The following GNAI1 variants were observed in gnomAD, a reference collection of about 807,000 sequenced individuals.
GNAI1 encodes the protein guanine nucleotide-binding protein G(i) subunit alpha-1.
GNAI1 carries 11 observed loss-of-function variants against 38.9 expected under a neutral mutation model. The observed-to-expected ratio is 0.28, with a 90% CI of 0.18 to 0.47. The LOEUF is 0.47. Among genes scored for constraint, GNAI1 ranks in the 20% least tolerant of loss-of-function variants. The probability of loss-of-function intolerance (pLI) is 0.99; values close to 1 mark genes in which losing one functional copy is unlikely to be tolerated. For synonymous variants in GNAI1, 166 were observed against 145.1 expected (o/e 1.14, Z -1.04); for missense variants, 317 against 436.9 (o/e 0.73, Z 2.45).
intron 1 of GNAI1, among the ~76,000 whole-genome samples, chr7:80,138,390 A>G (rs1787463350): frequency 1.3e-5 from 2 of 152,166 alleles, no homozygotes; most frequent in Non-Finnish European, 2.9e-5. Context: ...GACACTAAGG[A>G]AATCAGGCCA....
At chr7:80,217,273 A>T in intron 7 of GNAI1, 30 bp from the exon 8 acceptor site, 1 of 1,095,868 alleles carries the variant, frequency 9.1e-7, no homozygotes, top group Non-Finnish European at 1.2e-6. Context: ...AACTTTTTGC[A>T]TTTATGTTTC....
chr7:80,141,572 T>G (rs1427000368), intron 1 of GNAI1, among the ~76,000 whole-genome samples: 1 of 152,198 alleles, frequency 6.6e-6, no homozygotes, highest in East Asian at 1.9e-4. Flanking sequence ...GGTACTGAAC[T>G]TCTCCACTCT....
chr7:80,150,510 G>A (rs1787705009), intron 1 of GNAI1, among the ~76,000 whole-genome samples: 1 of 152,120 alleles, frequency 6.6e-6, no homozygotes, highest in Non-Finnish European at 1.5e-5. Context: ...ATGTTTATAG[G>A]TACAAACACA....
chr7:80,200,330 A>AAAAC (rs1255114270), intron 4 of GNAI1, among the ~76,000 whole-genome samples: 4 of 149,362 alleles, frequency 2.7e-5, no homozygotes, highest in Non-Finnish European at 5.9e-5. Context: ...GTCTCAAAAA[A>AAAAC]AAAAAAAAAA....
chr7:80,212,063 T>C (rs1788885006), intron 6 of GNAI1, among the ~76,000 whole-genome samples: 1 of 152,168 alleles, frequency 6.6e-6, no homozygotes, highest in Admixed American at 6.5e-5. Context: ...TTTGGTACCC[T>C]TGGAGGTCTT....
At chr7:80,216,351 A>G (rs1460109441) in intron 7 of GNAI1, among the ~76,000 whole-genome samples, 1 of 151,900 alleles carries the variant, frequency 6.6e-6, no homozygotes, top group Non-Finnish European at 1.5e-5. Flanking sequence ...CACAATCACA[A>G]CCCATACACA....
intron 6 of GNAI1, 73 bp downstream of exon 6, chr7:80,211,171 A>AT: frequency 2.2e-6 from 3 of 1,345,290 alleles, no homozygotes; most frequent in Non-Finnish European, 3.1e-6. Flanking sequence ...TTTCTTTCTA[A>AT]TGTCTATAAC....
In GNAI1 at chr7:80,135,099, CTG is replaced by C; in HGVS notation, c.-59_-58del. On this transcript the variant is annotated 5_prime_UTR_variant, in exon 1 of 8. Coordinates refer to ENST00000649796, the MANE Select transcript of GNAI1 (RefSeq NM_002069.6). ...CCGCTAGGAGAGAGAAAGGATTCCC[CTG>C]TGCTTGGAGCCCGCACTCGGGCGCG... 8.6e-7 allele frequency: 1 copy of C among 1,162,984 alleles called. No individual in the cohort carries two copies. Among genetic ancestry groups the C allele is most frequent in the South Asian group, 1.9e-5 (1 of 53,030 alleles). 72.0% of individuals were successfully genotyped at this position (1,162,984 alleles called of 1,614,324 possible).
At chr7:80,183,125 GT>G (rs1788323593) in intron 1 of GNAI1, among the ~76,000 whole-genome samples, 1 of 151,964 alleles carries the variant, frequency 6.6e-6, no homozygotes, top group Non-Finnish European at 1.5e-5. Context: ...GGCCTATTTT[GT>G]TTTCAAAAGA....
chr7:80,176,560 C>G (rs1788185121), intron 1 of GNAI1, among the ~76,000 whole-genome samples: 1 of 152,180 alleles, frequency 6.6e-6, no homozygotes, highest in Non-Finnish European at 1.5e-5. Context: ...GACTTACTCT[C>G]TTGTTAGGGG....
At chr7:80,150,856 C>T (rs1787712272) in intron 1 of GNAI1, among the ~76,000 whole-genome samples, 1 of 152,122 alleles carries the variant, frequency 6.6e-6, no homozygotes, top group African/African-American at 2.4e-5. Flanking sequence ...CATCATCCGC[C>T]GTTTTTCCAT....
chr7:80,187,143 G>A (rs1184682342), intron 1 of GNAI1: 1 of 151,512 alleles, frequency 6.6e-6, no homozygotes, highest in African/African-American at 2.4e-5. Context: ...TTTCAAATAG[G>A]GCATTTAACT....
intron 6 of GNAI1, among the ~76,000 whole-genome samples, chr7:80,211,505 C>A (rs1232249938): frequency 6.6e-6 from 1 of 151,710 alleles, no homozygotes; most frequent in African/African-American, 2.4e-5. Flanking sequence ...GCAACCTCCA[C>A]CTCCCAGGTT....
intron 1 of GNAI1, among the ~76,000 whole-genome samples, chr7:80,138,138 T>A (rs1244362945): frequency 6.6e-6 from 1 of 152,082 alleles, no homozygotes; most frequent in Non-Finnish European, 1.5e-5. Flanking sequence ...CATCACATGA[T>A]GTTTTTTAAA....
intron 1 of GNAI1, among the ~76,000 whole-genome samples, chr7:80,182,994 A>C (rs1788320925): frequency 6.6e-6 from 1 of 152,176 alleles, no homozygotes; most frequent in African/African-American, 2.4e-5. Flanking sequence ...CCATGAAGTC[A>C]AGTTCCTACC....
intron 1 of GNAI1, among the ~76,000 whole-genome samples, chr7:80,154,868 T>C (rs527302353): frequency 6.6e-6 from 1 of 152,360 alleles, no homozygotes; most frequent in Non-Finnish European, 1.5e-5. Flanking sequence ...ATTTGAGAGC[T>C]ATAATTGTGA....
intron 1 of GNAI1, among the ~76,000 whole-genome samples, chr7:80,166,737 C>T (rs1788015511): frequency 6.6e-6 from 1 of 152,156 alleles, no homozygotes; most frequent in Non-Finnish European, 1.5e-5. Context: ...TATCTCCCAC[C>T]TCTCACTAAT....
chr7:80,142,026 G>A (rs1787535296), intron 1 of GNAI1, among the ~76,000 whole-genome samples: 1 of 151,998 alleles, frequency 6.6e-6, no homozygotes. Flanking sequence ...ATTTTCTAAG[G>A]TGATAATGTG....
At chr7:80,187,209 T>TTGTGTGTGTGTGTGTGTCTTTGTGTGTG (rs1788401075) in intron 1 of GNAI1, 1 of 92,644 alleles carries the variant, frequency 1.1e-5, no homozygotes, top group South Asian at 3.9e-4. Flanking sequence ...GTGTGTGTCT[T>TTGTGTGTGTGTGTGTGTCTTTGTGTGTG]TGTGTGTGTG....
Sources: allele counts gnomAD v4.1 joint callset (sites outside exome capture counted in the v4.1 genomes callset), GRCh38; gene constraint gnomAD v4.1.1; transcripts MANE v1.5; gene names NCBI Gene and HGNC (gene_info 2026-07-23, HGNC 2026-07-21).